Variants in CADM2 observed in about 807,000 individuals in gnomAD.
CADM2 encodes the protein cell adhesion molecule 2.
A neutral mutation model predicts 49.8 loss-of-function variants in CADM2; 12 were observed. That is an observed-to-expected ratio of 0.24 (90% CI 0.15 to 0.39). The LOEUF is 0.39. Among genes scored for constraint, CADM2 ranks in the 10% least tolerant of loss-of-function variants. CADM2 has a pLI of 1.00. For missense variants in CADM2, 378 were observed against 492.3 expected, an observed-to-expected ratio of 0.77 and a Z score of 2.20; for synonymous variants, 214 against 175.4, an observed-to-expected ratio of 1.22 and a Z score of -1.74.
intron 8 of CADM2, among the ~76,000 whole-genome samples, chr3:86,039,040 G>A (rs961364781): frequency 6.6e-6 from 1 of 152,162 alleles, no homozygotes; most frequent in African/African-American, 2.4e-5. Flanking sequence ...TTTAGCCCCT[G>A]TTAGGGTCTT....
At chr3:86,026,366 T>G (rs1395324532) in intron 8 of CADM2, among the ~76,000 whole-genome samples, 5 of 152,080 alleles carry the variant, frequency 3.3e-5, no homozygotes. Flanking sequence ...TTTTTGGCCT[T>G]ATGACTTTAA....
At chr3:85,486,705 G>GA (rs56816351) in intron 1 of CADM2, among the ~76,000 whole-genome samples, 77,852 of 151,488 alleles carry the variant, frequency 0.51, 22,924 homozygotes, top group East Asian at 0.85. Flanking sequence ...GAGACCAATT[G>GA]GAATGTGTAT....
intron 1 of CADM2, among the ~76,000 whole-genome samples, chr3:85,599,116 G>C (rs947284402): frequency 6.6e-6 from 1 of 151,768 alleles, no homozygotes; most frequent in Non-Finnish European, 1.5e-5. Flanking sequence ...TTTCTTTATT[G>C]TCATATTGCA....
intron 2 of CADM2, among the ~76,000 whole-genome samples, chr3:85,787,199 C>T (rs1343036639): frequency 6.6e-6 from 1 of 151,938 alleles, no homozygotes; most frequent in Non-Finnish European, 1.5e-5. Context: ...CATTTTTCAT[C>T]AAAGAGTGAG....
chr3:84,997,558 A>G (rs1404215842), intron 1 of CADM2, among the ~76,000 whole-genome samples: 1 of 152,060 alleles, frequency 6.6e-6, no homozygotes, highest in Admixed American at 6.6e-5. Flanking sequence ...CATAAAAATT[A>G]TCTGAAATAA....
intron 5 of CADM2, among the ~76,000 whole-genome samples, chr3:85,907,496 C>A (rs768922994): frequency 6.6e-6 from 1 of 152,118 alleles, no homozygotes; most frequent in African/African-American, 2.4e-5. Flanking sequence ...TTTCTAAATC[C>A]TGCCTTGTTC....
At chr3:85,996,925 A>T (rs1005891102) in intron 8 of CADM2, among the ~76,000 whole-genome samples, 21 of 152,160 alleles carry the variant, frequency 1.4e-4, no homozygotes, top group Admixed American at 1.4e-3. Flanking sequence ...ACACTTCTTC[A>T]TCATTCCTAC....
In CADM2 at chr3:85,541,739, ATATATTT is replaced by A. The variant is rs1404428327; in HGVS notation, c.62-184777_62-184771del. On this transcript the variant is annotated intron_variant, in intron 1 of 9. Transcript: ENST00000383699. ...TATATTATATATATATATTTTATAT[ATATATTT>A]TATATATTTTATATATATATTTTAT... is the stretch of plus-strand genomic sequence containing the variant. Among the ~76,000 whole-genome samples the A allele has an allele frequency of 1.5e-4, 9 of 59,134 alleles. 1 individual carries two copies. The highest frequency in any genetic ancestry group is 1.9e-3 in the East Asian group (1 of 518). The allele number at this position is 59,134 out of a possible 152,430, so 38.8% of individuals were successfully genotyped here.
intron 3 of CADM2, among the ~76,000 whole-genome samples, chr3:85,873,178 C>G (rs1418324949): frequency 2.0e-5 from 3 of 152,182 alleles, no homozygotes; most frequent in East Asian, 3.9e-4. Flanking sequence ...CCTCTTAATA[C>G]TGTTACAATG....
intron 1 of CADM2, among the ~76,000 whole-genome samples, chr3:85,412,787 C>T (rs529711376): frequency 6.6e-6 from 1 of 152,068 alleles, no homozygotes; most frequent in Non-Finnish European, 1.5e-5. Flanking sequence ...TAGCAAAATG[C>T]ATCACACTAC....
At chr3:85,171,970 A>G (rs562702201) in intron 1 of CADM2, among the ~76,000 whole-genome samples, 54 of 152,336 alleles carry the variant, frequency 3.5e-4, no homozygotes, top group African/African-American at 1.3e-3. Flanking sequence ...ATGGCATAAT[A>G]AACTTGAATT....
At chr3:85,359,666 A>ATATATATATATATATATATATATTTTTT in intron 1 of CADM2, among the ~76,000 whole-genome samples, 36 of 26,508 alleles carry the variant, frequency 1.4e-3, no homozygotes, top group Non-Finnish European at 2.4e-3. Context: ...ATATATATAT[A>ATATATATATATATATATATATATTTTTT]TTTTTTTTTT....
chr3:85,349,378 A>T (rs2031104753), intron 1 of CADM2, among the ~76,000 whole-genome samples: 1 of 152,214 alleles, frequency 6.6e-6, no homozygotes, highest in South Asian at 2.1e-4. Context: ...TGGGAGGTTA[A>T]ATACAGATAC....
intron 1 of CADM2, among the ~76,000 whole-genome samples, chr3:85,317,340 G>A (rs1268576930): frequency 6.6e-6 from 1 of 152,090 alleles, no homozygotes; most frequent in African/African-American, 2.4e-5. Flanking sequence ...GTGAAGAAAT[G>A]CCATGACCCT....
At chr3:85,491,152 T>A (rs1170622306) in intron 1 of CADM2, among the ~76,000 whole-genome samples, 3 of 152,192 alleles carry the variant, frequency 2.0e-5, no homozygotes, top group Non-Finnish European at 4.4e-5. Context: ...ACAAATATGT[T>A]TGATGATTGT....
intron 1 of CADM2, among the ~76,000 whole-genome samples, chr3:85,719,968 G>A (rs143166483): frequency 5.3e-5 from 8 of 151,560 alleles, no homozygotes; most frequent in Non-Finnish European, 1.0e-4. Flanking sequence ...AAAAAATATA[G>A]TCACAGTACT....
intron 1 of CADM2, among the ~76,000 whole-genome samples, chr3:85,388,974 A>G (rs536371227): frequency 1.5e-4 from 23 of 152,284 alleles, no homozygotes; most frequent in Admixed American, 8.5e-4. Context: ...TATTGGATAA[A>G]TGGAAATTCC....
At chr3:85,020,413 C>T (rs1354824033) in intron 1 of CADM2, among the ~76,000 whole-genome samples, 1 of 151,970 alleles carries the variant, frequency 6.6e-6, no homozygotes, top group Non-Finnish European at 1.5e-5. Flanking sequence ...CAAACATCAG[C>T]AACAAGTCAT....
intron 1 of CADM2, among the ~76,000 whole-genome samples, chr3:85,723,680 G>A (rs1485638727): frequency 6.6e-6 from 1 of 151,998 alleles, no homozygotes; most frequent in Non-Finnish European, 1.5e-5. Context: ...TTCATACAAT[G>A]TTTGAGAATT....
Sources: allele counts gnomAD v4.1 joint callset (sites outside exome capture counted in the v4.1 genomes callset), GRCh38; gene constraint gnomAD v4.1.1; transcripts MANE v1.5; gene names NCBI Gene and HGNC (gene_info 2026-07-23, HGNC 2026-07-21).